Variants in ASIC4 observed in about 807,000 individuals in gnomAD.
The protein encoded by ASIC4 is acid sensing ion channel subunit family member 4, also known as acid-sensing ion channel 4.
ASIC4 carries 28 observed loss-of-function variants against 53.4 expected under a neutral mutation model. The ratio of observed to expected loss-of-function variants is 0.52; its 90% CI spans 0.39 to 0.72. The LOEUF (loss-of-function observed/expected upper bound fraction) is 0.72, where lower values mean the gene tolerates loss of function less well. ASIC4 is among the 30% of genes least tolerant of loss of function. The pLI, the probability that ASIC4 is intolerant of heterozygous loss-of-function variation, is 0.00. For synonymous variants in ASIC4, 289 were observed against 301.4 expected (o/e 0.96, Z 0.43); for missense variants, 649 against 729.7 (o/e 0.89, Z 1.27).
intron 1 of ASIC4, among the ~76,000 whole-genome samples, chr2:219,519,126 G>T (rs536296943): frequency 6.6e-6 from 1 of 152,146 alleles, no homozygotes; most frequent in Admixed American, 6.5e-5. Context: ...GGATGGTCTC[G>T]ATCTCCTGAC....
intron 1 of ASIC4, among the ~76,000 whole-genome samples, chr2:219,528,714 A>G (rs902700032): frequency 1.3e-5 from 2 of 151,588 alleles, no homozygotes; most frequent in African/African-American, 2.4e-5. Flanking sequence ...TAATTTTTGT[A>G]TTTTTAGTAG....
Position 219,538,392 on chromosome 2 carries a change from G to T in ASIC4, c.*346G>T, listed in dbSNP as rs916293513. 2 of 228,720 alleles carry T rather than the reference G, an allele frequency of 8.7e-6. 1 individual carries two copies. Among genetic ancestry groups the T allele is most frequent in the Non-Finnish European group, 1.7e-5 (2 of 114,420 alleles). 14.2% of individuals were successfully genotyped at this position (228,720 alleles called of 1,614,324 possible). ...GTAAATATTTAGGGAAAGCCGGGTGGGGGGAGGGGATACAGATGTAGAAGG... is the reference window on the plus strand; with the variant it reads ...GTAAATATTTAGGGAAAGCCGGGTGTGGGGAGGGGATACAGATGTAGAAGG... On this transcript the variant is annotated 3_prime_UTR_variant, in exon 10 of 10. Transcript: ENST00000358078.
intron 6 of ASIC4, 35 bp downstream of exon 6, chr2:219,535,359 A>T: frequency 2.7e-6 from 4 of 1,505,228 alleles, no homozygotes; most frequent in Non-Finnish European, 3.6e-6. Context: ...TGGCTGTGTG[A>T]CTCTGTGTGT....
chr2:219,526,690 T>C (rs1354497433), intron 1 of ASIC4, among the ~76,000 whole-genome samples: 2 of 147,404 alleles, frequency 1.4e-5, no homozygotes, highest in Non-Finnish European at 3.0e-5. Context: ...AGGCCAACAC[T>C]AAAGGGGAGG....
At position 219,538,021 on chromosome 2, in the gene ASIC4, G is replaced by A. The variant is rs1695176829; in HGVS notation, c.1595G>A (p.Gly532Asp). The A allele has an allele frequency of 6.2e-7, 1 of 1,613,296 alleles. No homozygotes were observed. Among genetic ancestry groups the A allele is most frequent in the East Asian group, 2.2e-5 (1 of 44,874 alleles). The change falls in exon 10 of 10, where the codon GGT becomes GAT. Residue 532 changes from glycine (G) to aspartate (D), a missense_variant. Physicochemically the swap from Gly to Asp is moderately conservative, Grantham distance 94. Transcript: ENST00000358078. ...NHHHPHGPPG[G>D]LFEDFAC The stretch of plus-strand genomic sequence containing the variant: ...CACCACCCCCACGGTCCCCCAGGAG[G>A]TCTCTTTGAAGATTTTGCTTGCTAG...
At chr2:219,510,804 C>T (rs1193940865), upstream of ASIC4, among the ~76,000 whole-genome samples, 2 of 152,084 alleles carry the variant, frequency 1.3e-5, no homozygotes, top group Non-Finnish European at 1.5e-5. This position sits in a 1 kb window ranked among gnomAD's most constrained non-coding sequence, Gnocchi z 5.2. Context: ...GGACGCTAAC[C>T]CTCTTCAGTC....
intron 1 of ASIC4, among the ~76,000 whole-genome samples, chr2:219,525,288 T>C (rs887858555): frequency 1.3e-5 from 2 of 152,246 alleles, no homozygotes; most frequent in African/African-American, 4.8e-5. Context: ...ACTTCCTCTC[T>C]TTTGAGATGT....
chr2:219,513,100 C>G (rs756156312), upstream of ASIC4, among the ~76,000 whole-genome samples: 6 of 152,192 alleles, frequency 3.9e-5, no homozygotes, highest in Admixed American at 3.9e-4. Flanking sequence ...CAGCAGCTGC[C>G]GTTTCCCTCA....
chr2:219,513,902 T>C (rs1015290266), upstream of ASIC4, among the ~76,000 whole-genome samples: 12 of 152,164 alleles, frequency 7.9e-5, no homozygotes, highest in African/African-American at 2.9e-4. Context: ...TGTCCCCTGG[T>C]CTGTCTAGCC....
intron 5 of ASIC4, among the ~76,000 whole-genome samples, chr2:219,534,923 C>CT (rs886147059): frequency 4.6e-5 from 7 of 152,088 alleles, no homozygotes; most frequent in East Asian, 1.9e-4. Flanking sequence ...AGGACCCCCC[C>CT]CCAGTCCCAG....
chr2:219,521,121 G>A (rs1694877244), intron 1 of ASIC4, among the ~76,000 whole-genome samples: 1 of 152,242 alleles, frequency 6.6e-6, no homozygotes, highest in Non-Finnish European at 1.5e-5. Context: ...TGCTTGGGCA[G>A]TGGAGTGGGT....
upstream of ASIC4, among the ~76,000 whole-genome samples, chr2:219,509,956 G>A (rs374941158): frequency 6.6e-6 from 1 of 152,018 alleles, no homozygotes; most frequent in Non-Finnish European, 1.5e-5. This position sits in a 1 kb window ranked among gnomAD's most constrained non-coding sequence, Gnocchi z 5.2. Context: ...TCGATCCTCG[G>A]TAGTGCGTCC....
intron 1 of ASIC4, among the ~76,000 whole-genome samples, chr2:219,530,919 A>C (rs553916874): frequency 1.6e-3 from 242 of 152,316 alleles, no homozygotes; most frequent in African/African-American, 5.7e-3. Context: ...GGATCTGAGC[A>C]CTGTGGACTG....
intron 1 of ASIC4, among the ~76,000 whole-genome samples, chr2:219,524,064 C>T (rs886979595): frequency 6.6e-6 from 1 of 152,194 alleles, no homozygotes; most frequent in Non-Finnish European, 1.5e-5. Flanking sequence ...CTCAATCGAT[C>T]CTCCTACCTT....
intron 1 of ASIC4, among the ~76,000 whole-genome samples, chr2:219,527,505 A>G (rs192749681): frequency 9.2e-5 from 14 of 152,276 alleles, no homozygotes; most frequent in Admixed American, 8.5e-4. Flanking sequence ...TGGAGGTACC[A>G]GGTAGGGACG....
intron 1 of ASIC4, among the ~76,000 whole-genome samples, chr2:219,521,451 G>C (rs1337138472): frequency 6.6e-6 from 1 of 152,228 alleles, no homozygotes; most frequent in Admixed American, 6.5e-5. Flanking sequence ...TGCTTCTTGG[G>C]AGGAATCTGC....
At chr2:219,535,368 G>A in intron 6 of ASIC4, 44 bp downstream of exon 6, 1 of 1,525,548 alleles carries the variant, frequency 6.6e-7, no homozygotes, top group African/African-American at 1.4e-5. Flanking sequence ...GACTCTGTGT[G>A]TACGTGTGTG....
chr2:219,526,981 G>A lies in ASIC4; in HGVS notation c.583-4777G>A, dbSNP rs138254176. On this transcript the variant is annotated intron_variant, in intron 1 of 9. Transcript: ENST00000358078. Reference sequence around the variant, plus strand: ...CTGGAGATAGCCCCTCTGCCATCAGGACACTCCCTGGCCCACGACCTTCCC... The same window carrying A: ...CTGGAGATAGCCCCTCTGCCATCAGAACACTCCCTGGCCCACGACCTTCCC... Among the ~76,000 whole-genome samples, 556 of 152,288 alleles carry A rather than the reference G, an allele frequency of 3.7e-3. 1 individual carries two copies. The highest frequency in any genetic ancestry group is 0.013 in the African/African-American group (534 of 41,540).
intron 1 of ASIC4, among the ~76,000 whole-genome samples, chr2:219,530,364 A>T (rs1695023281): frequency 6.6e-6 from 1 of 152,258 alleles, no homozygotes; most frequent in Admixed American, 6.5e-5. Flanking sequence ...CTGTCCATGC[A>T]GGAGAACTCT....
Sources: allele counts gnomAD v4.1 joint callset (sites outside exome capture counted in the v4.1 genomes callset), GRCh38; gene constraint gnomAD v4.1.1; non-coding constraint Gnocchi (gnomAD v3.1); transcripts MANE v1.5; gene names NCBI Gene and HGNC (gene_info 2026-07-23, HGNC 2026-07-21).